The following EXPH5 variants were observed in gnomAD, a reference collection of about 807,000 sequenced individuals.
EXPH5 encodes exophilin 5.
A neutral mutation model predicts 41.1 loss-of-function variants in EXPH5; 42 were observed. The observed-to-expected ratio is 1.02, with a 90% CI of 0.80 to 1.32. The LOEUF (loss-of-function observed/expected upper bound fraction) is 1.32. Among genes scored for constraint, EXPH5 ranks in the 40% most tolerant of loss-of-function variants. The pLI is 0.00. For synonymous variants in EXPH5, 798 were observed against 833.5 expected (o/e 0.96, Z 0.73); for missense variants, 2,298 against 2,314.5 (o/e 0.99, Z 0.15).
chr11:108,514,637 C>T lies in EXPH5; in HGVS notation c.870G>A (p.Arg290=), dbSNP rs1226313886. ...TATACATATCATAAATTGTGCTTGT[C>T]CTAGGAGAAAAGGTTTTAAAACCTT... The part of the protein sequence containing the change: ...PREGFKTFSP[R]TSTIYDMYRT... The change falls in exon 6 of 6, where the codon AGG becomes AGA. Residue 290 remains arginine, a synonymous_variant. Transcript: ENST00000265843. 1.2e-6 allele frequency: 2 copies of T among 1,607,110 alleles called. No homozygotes were observed. The highest frequency in any genetic ancestry group is 2.7e-5 in the African/African-American group (2 of 74,452).
intron 1 of EXPH5, among the ~76,000 whole-genome samples, chr11:108,591,165 A>G (rs2094126649): frequency 6.6e-6 from 1 of 152,242 alleles, no homozygotes; most frequent in Admixed American, 6.5e-5. Flanking sequence ...CTGTTGAAGC[A>G]TCTCTTTTTT....
At chr11:108,518,128 ATAAAG>A in intron 5 of EXPH5, 102 bp downstream of exon 5, 2 of 1,013,920 alleles carry the variant, frequency 2.0e-6, no homozygotes, top group Non-Finnish European at 2.9e-6. Context: ...GATGTAAAAA[ATAAAG>A]TACAGTGTTT....
intron 1 of EXPH5, among the ~76,000 whole-genome samples, chr11:108,558,790 G>A (rs2094000171): frequency 6.6e-6 from 1 of 152,144 alleles, no homozygotes; most frequent in African/African-American, 2.4e-5. Context: ...ATTGTTTCTG[G>A]AGGCGGAAAG....
chr11:108,510,036 G>A lies in EXPH5; in HGVS notation c.5471C>T (p.Thr1824Ile), dbSNP rs1441308343. ...TCGACTCAGGGCATTGTCAATAGAA[G>A]TGCTTTCAGAAAAATGGCGCTCCCT... ...KVRERHFSES[T>I]SIDNALSRLT... The change falls in exon 6 of 6, where the codon ACT (threonine) becomes ATT (isoleucine). Residue 1824 changes from threonine (T) to isoleucine (I), a missense_variant. Transcript: ENST00000265843. The A allele has an allele frequency of 1.1e-5, 18 of 1,612,534 alleles. No individual in the cohort carries two copies. Among genetic ancestry groups the A allele is most frequent in the Non-Finnish European group, 1.4e-5 (16 of 1,179,486 alleles).
intron 1 of EXPH5, among the ~76,000 whole-genome samples, chr11:108,590,866 TG>T (rs1199287735): frequency 1.3e-5 from 2 of 152,206 alleles, no homozygotes; most frequent in African/African-American, 4.8e-5. Flanking sequence ...TTGGTCAGGC[TG>T]GTCTCAAACT....
chr11:108,548,334 G>A (rs768264318), intron 1 of EXPH5, among the ~76,000 whole-genome samples: 5 of 151,972 alleles, frequency 3.3e-5, no homozygotes, highest in Non-Finnish European at 5.9e-5. Context: ...AAGGCTGTTG[G>A]AAGTAAAACA....
chr11:108,580,391 AG>A (rs2094094252), intron 1 of EXPH5, among the ~76,000 whole-genome samples: 3 of 152,058 alleles, frequency 2.0e-5, no homozygotes, highest in South Asian at 2.1e-4. Flanking sequence ...ATTATCAAAA[AG>A]GAAAAAAAAA....
At chr11:108,551,493 A>G (rs1419913725) in intron 1 of EXPH5, among the ~76,000 whole-genome samples, 1 of 152,078 alleles carries the variant, frequency 6.6e-6, no homozygotes, top group Non-Finnish European at 1.5e-5. Flanking sequence ...TGATGTTCTC[A>G]CTTCTCTGTT....
intron 1 of EXPH5, among the ~76,000 whole-genome samples, chr11:108,576,880 C>T (rs2094081490): frequency 6.6e-6 from 1 of 152,178 alleles, no homozygotes; most frequent in Admixed American, 6.5e-5. Flanking sequence ...TTTTCATCCT[C>T]CCTTCCCCAC....
At chr11:108,577,836 A>T (rs2094085018) in intron 1 of EXPH5, among the ~76,000 whole-genome samples, 1 of 152,228 alleles carries the variant, frequency 6.6e-6, no homozygotes, top group South Asian at 2.1e-4. Flanking sequence ...GGCCACTTGC[A>T]TGTATTTTTT....
chr11:108,571,965 G>T (rs759092184), intron 1 of EXPH5, among the ~76,000 whole-genome samples: 1 of 151,960 alleles, frequency 6.6e-6, no homozygotes, highest in Non-Finnish European at 1.5e-5. Context: ...AGGAAAAAAG[G>T]CGTGAACCCG....
rs2093659765 is a variant in EXPH5, at chr11:108,509,065, T to TACCC, written c.*468_*471dup. 6.5e-6 allele frequency: 1 copy of TACCC among 152,776 alleles called. No homozygotes were observed. The highest frequency in any genetic ancestry group is 6.5e-5 in the Admixed American group (1 of 15,294). The allele number at this position is 152,776 out of a possible 1,614,324, so 9.5% of individuals were successfully genotyped here. On this transcript the variant is annotated 3_prime_UTR_variant, in exon 6 of 6. Coordinates refer to ENST00000265843, the MANE Select transcript of EXPH5 (RefSeq NM_015065.3). ...ATGAGTCAAACAGGATGATAATATT[T>TACCC]ACCCCACTGTTATCATCCCTACCTT...
rs1278900595 is a variant in EXPH5, at chr11:108,514,299, T to C, written c.1208A>G (p.Tyr403Cys). The change falls in exon 6 of 6, where the codon TAT (tyrosine) becomes TGT (cysteine). Residue 403 changes from tyrosine (Y) to cysteine (C), a missense_variant. Tyr to Cys is a radical substitution (Grantham distance 194). Coordinates refer to ENST00000265843, the MANE Select transcript of EXPH5 (RefSeq NM_015065.3). ...CTCCTGAAAACCCCTGGGATACACATACTTGTCAGCGGGATCAATTTCCAT... is the reference window on the plus strand; with the variant it reads ...CTCCTGAAAACCCCTGGGATACACACACTTGTCAGCGGGATCAATTTCCAT... The part of the protein sequence containing the change: ...SPMEIDPADK[Y>C]VYPRGFQENK... The C allele has an allele frequency of 2.5e-6, 4 of 1,613,598 alleles. No homozygotes were observed. Among genetic ancestry groups the C allele is most frequent in the African/African-American group, 1.3e-5 (1 of 74,922 alleles).
At chr11:108,569,239 T>C (rs576464327) in intron 1 of EXPH5, among the ~76,000 whole-genome samples, 142 of 152,258 alleles carry the variant, frequency 9.3e-4, no homozygotes, top group African/African-American at 3.3e-3. Flanking sequence ...CAAGTCTTCT[T>C]TGAGACTTCC....
chr11:108,579,151 T>C (rs2094089667), intron 1 of EXPH5, among the ~76,000 whole-genome samples: 1 of 152,148 alleles, frequency 6.6e-6, no homozygotes. Flanking sequence ...TGTCCTATAT[T>C]GCTTTGATTG....
intron 1 of EXPH5, among the ~76,000 whole-genome samples, chr11:108,575,323 A>T (rs1275641683): frequency 6.6e-6 from 1 of 152,256 alleles, no homozygotes; most frequent in Non-Finnish European, 1.5e-5. Flanking sequence ...ATTTGGTAGA[A>T]CACTTGGAAA....
chr11:108,539,777 G>GC (rs1435755115), intron 2 of EXPH5, among the ~76,000 whole-genome samples: 1 of 151,686 alleles, frequency 6.6e-6, no homozygotes, highest in Admixed American at 6.6e-5. Flanking sequence ...AAAAATTTGA[G>GC]CACCAACATG....
At chr11:108,573,832 G>T (rs2094070983) in intron 1 of EXPH5, among the ~76,000 whole-genome samples, 1 of 152,086 alleles carries the variant, frequency 6.6e-6, no homozygotes, top group Non-Finnish European at 1.5e-5. Context: ...ATCACTTGAG[G>T]CCAGGGGTTT....
At chr11:108,555,473 A>G (rs1482157449) in intron 1 of EXPH5, among the ~76,000 whole-genome samples, 1 of 152,122 alleles carries the variant, frequency 6.6e-6, no homozygotes, top group East Asian at 1.9e-4. Context: ...AAAGATTCTC[A>G]CCTTTCTGGA....
Sources: gnomAD v4.1 joint callset for allele counts (sites outside exome capture counted in the v4.1 genomes callset) on GRCh38, gnomAD v4.1.1 for gene constraint, MANE v1.5 for transcripts, NCBI Gene and HGNC (gene_info 2026-07-23, HGNC 2026-07-21) for gene names.